Variants in FILIP1 observed in about 807,000 individuals in gnomAD.
FILIP1 encodes filamin A interacting protein 1, also known as filamin-A-interacting protein 1.
Under a neutral mutation model 102.1 loss-of-function variants are expected in FILIP1, and 61 were observed. The ratio of observed to expected loss-of-function variants is 0.60; its 90% CI spans 0.49 to 0.74. The LOEUF is 0.74. Ranked by LOEUF, FILIP1 falls within the 30% of genes least tolerant of loss-of-function variation. The pLI is 0.00. For missense variants in FILIP1, 1,314 were observed against 1,441.2 expected, an observed-to-expected ratio of 0.91 and a Z score of 1.43; for synonymous variants, 491 against 526.9, an observed-to-expected ratio of 0.93 and a Z score of 0.93.
At chr6:75,300,239 C>T (rs1772800659) in intron 6 of FILIP1, among the ~76,000 whole-genome samples, 1 of 152,184 alleles carries the variant, frequency 6.6e-6, no homozygotes, top group Non-Finnish European at 1.5e-5. Flanking sequence ...CAAGACGTTA[C>T]ATCAGCAAAG....
chr6:75,314,596 T>C lies in FILIP1; in HGVS notation c.1236A>G (p.Gln412=). The change falls in exon 5 of 6, where the codon CAA becomes CAG. Residue 412 remains glutamine (Q), a synonymous_variant. Coordinates refer to ENST00000237172, the MANE Select transcript of FILIP1 (RefSeq NM_015687.5). ...GCTCCTTACTATGGTGTTCTTCCTC[T>C]TGCAGCTTCTTCCTCAATTCCCTAC... The part of the protein sequence containing the change: ...SQCRELRKKL[Q]EEEHHSKELR... 1.9e-6 allele frequency: 3 copies of C among 1,613,902 alleles called. No individual in the cohort carries two copies. Among genetic ancestry groups the C allele is most frequent in the African/African-American group, 2.7e-5 (2 of 75,044 alleles).
At chr6:75,474,451 G>T (rs1779416343) in intron 1 of FILIP1, among the ~76,000 whole-genome samples, 1 of 152,188 alleles carries the variant, frequency 6.6e-6, no homozygotes, top group Admixed American at 6.6e-5. Context: ...GGAAGTGAAG[G>T]AGGAAGTAAC....
intron 1 of FILIP1, among the ~76,000 whole-genome samples, chr6:75,426,358 C>G (rs1777625753): frequency 6.6e-6 from 1 of 152,150 alleles, no homozygotes; most frequent in Non-Finnish European, 1.5e-5. Flanking sequence ...AAGAACCCGA[C>G]ATTCTGTTTC....
At chr6:75,415,521 T>A (rs1168085734) in intron 1 of FILIP1, among the ~76,000 whole-genome samples, 1 of 138,566 alleles carries the variant, frequency 7.2e-6, no homozygotes, top group Non-Finnish European at 1.5e-5. Flanking sequence ...GCCAGTTGGA[T>A]GTCACAGTGT....
chr6:75,466,460 C>T lies in FILIP1; in HGVS notation c.-7+26954G>A, dbSNP rs571081912. Among the ~76,000 whole-genome samples the T allele has an allele frequency of 3.3e-5, 5 of 152,314 alleles. No homozygotes were observed. The South Asian group carries it at 6.2e-4, about 19-fold the overall frequency. On this transcript the variant is annotated intron_variant, in intron 1 of 5. Transcript: ENST00000237172. ...TCAAATAGTGGGAATTAACTGCTAG[C>T]TTCATTCATGTATCCATTCATCAAC...
chr6:75,370,377 C>T (rs1433677173), intron 2 of FILIP1, among the ~76,000 whole-genome samples: 1 of 152,094 alleles, frequency 6.6e-6, no homozygotes, highest in African/African-American at 2.4e-5. Flanking sequence ...ATGGTAGGCA[C>T]TCTGTAAATA....
At chr6:75,417,760 C>T (rs1777318401) in intron 1 of FILIP1, among the ~76,000 whole-genome samples, 1 of 152,170 alleles carries the variant, frequency 6.6e-6, no homozygotes, top group African/African-American at 2.4e-5. Flanking sequence ...ACAGCTACTC[C>T]TAGTGGAGAG....
intron 2 of FILIP1, chr6:75,386,065 C>T (rs1776085536): frequency 1.3e-5 from 2 of 152,138 alleles, no homozygotes; most frequent in African/African-American, 4.8e-5. Context: ...TAAAATGGTT[C>T]AAGTTCTCCC....
chr6:75,415,476 T>G (rs1020827763), intron 1 of FILIP1, among the ~76,000 whole-genome samples: 1 of 150,036 alleles, frequency 6.7e-6, no homozygotes, highest in African/African-American at 2.4e-5. Context: ...GTTTATTTAT[T>G]TATCAGAAAA....
chr6:75,327,536 A>C (rs1773908209), intron 4 of FILIP1, among the ~76,000 whole-genome samples: 1 of 146,476 alleles, frequency 6.8e-6, no homozygotes, highest in Admixed American at 7.0e-5. Flanking sequence ...TTGTGTGTGA[A>C]TATATATATA....
intron 1 of FILIP1, among the ~76,000 whole-genome samples, chr6:75,468,866 A>G (rs1414670775): frequency 6.6e-6 from 1 of 152,122 alleles, no homozygotes; most frequent in East Asian, 1.9e-4. Context: ...AATCTCTGAT[A>G]CAATTTTCTT....
chr6:75,338,391 T>G (rs560073370), intron 4 of FILIP1, among the ~76,000 whole-genome samples: 11 of 152,334 alleles, frequency 7.2e-5, no homozygotes, highest in African/African-American at 2.6e-4. Context: ...CATGAAGCAC[T>G]TTCCAAACAC....
intron 2 of FILIP1, among the ~76,000 whole-genome samples, chr6:75,391,452 A>T (rs1286964834): frequency 6.6e-6 from 1 of 152,096 alleles, no homozygotes; most frequent in Non-Finnish European, 1.5e-5. Context: ...CAAATCACAC[A>T]TCTACCCCAT....
intron 4 of FILIP1, among the ~76,000 whole-genome samples, chr6:75,340,460 G>C (rs1221792404): frequency 6.6e-6 from 1 of 152,112 alleles, no homozygotes; most frequent in Non-Finnish European, 1.5e-5. Flanking sequence ...TCATTACTAA[G>C]GGACCCAACT....
intron 1 of FILIP1, among the ~76,000 whole-genome samples, chr6:75,484,238 T>C (rs865964083): frequency 2.7e-4 from 41 of 152,200 alleles, no homozygotes; most frequent in African/African-American, 7.5e-4. Flanking sequence ...ACACAGCCAC[T>C]GCAAGGTGTA....
chr6:75,324,752 G>A (rs767829408), intron 4 of FILIP1, among the ~76,000 whole-genome samples: 1 of 152,194 alleles, frequency 6.6e-6, no homozygotes, highest in Non-Finnish European at 1.5e-5. Context: ...GTAGACCAAT[G>A]GAACAGAATA....
At chr6:75,387,411 T>C (rs985757740) in intron 2 of FILIP1, among the ~76,000 whole-genome samples, 1 of 152,214 alleles carries the variant, frequency 6.6e-6, no homozygotes, top group East Asian at 1.9e-4. Flanking sequence ...CACCCAGTAA[T>C]GGCATTGCTG....
At chr6:75,374,507 T>G (rs1775687928) in intron 2 of FILIP1, among the ~76,000 whole-genome samples, 1 of 152,100 alleles carries the variant, frequency 6.6e-6, no homozygotes, top group Non-Finnish European at 1.5e-5. Flanking sequence ...GCCTCCTGAG[T>G]AGCTGGGACT....
intron 4 of FILIP1, among the ~76,000 whole-genome samples, chr6:75,347,507 G>A (rs1774631666): frequency 6.6e-6 from 1 of 152,178 alleles, no homozygotes. Flanking sequence ...TTTTTCTACA[G>A]AGTGCTTTAT....
Sources: allele counts gnomAD v4.1 joint callset (sites outside exome capture counted in the v4.1 genomes callset), GRCh38; gene constraint gnomAD v4.1.1; transcripts MANE v1.5; gene names NCBI Gene and HGNC (gene_info 2026-07-23, HGNC 2026-07-21).